Variants in CWH43 observed in about 807,000 individuals in gnomAD.
CWH43 encodes PGAP2-interacting protein.
In CWH43, 91 loss-of-function variants were observed where a neutral mutation model predicts 85.7. That is an observed-to-expected ratio of 1.06 (90% CI 0.90 to 1.26). The LOEUF (loss-of-function observed/expected upper bound fraction) is 1.26, where lower values mean the gene tolerates loss of function less well. CWH43 is among the 50% of genes most tolerant of loss of function. CWH43 has a pLI of 0.00. For synonymous variants in CWH43, 323 were observed against 293.6 expected (o/e 1.10, Z -1.02); for missense variants, 869 against 839.2 (o/e 1.04, Z -0.44).
chr4:48,998,591 T>C (rs1486099432), intron 6 of CWH43, 43 bp downstream of exon 6: 2 of 1,418,124 alleles, frequency 1.4e-6, no homozygotes, highest in Admixed American at 3.4e-5. Context: ...CTGAGCTTGG[T>C]TATCCAGTTT....
Position 49,050,805 on chromosome 4 carries a change from C to G in CWH43, c.1977C>G (p.Val659=). The G allele has an allele frequency of 6.2e-7, 1 of 1,612,884 alleles. No homozygotes were observed. ...PTNYRDNQKV[V]IDHREVSEKI... ...ATTATAGAGACAACCAGAAAGTGGTCATAGACCACAGAGAAGTTTCTGAGA... is the reference window on the plus strand; with the variant it reads ...ATTATAGAGACAACCAGAAAGTGGTGATAGACCACAGAGAAGTTTCTGAGA... Residue 659 remains valine, a synonymous_variant, in exon 15 of 16, where the codon GTC becomes GTG. Coordinates refer to ENST00000226432, the MANE Select transcript of CWH43 (RefSeq NM_025087.3).
At position 49,038,102 on chromosome 4, in the gene CWH43, A is replaced by G. The variant is rs376054025; in HGVS notation, c.1725A>G (p.Gln575=). 1 of 1,613,220 alleles carries G rather than the reference A, an allele frequency of 6.2e-7. No homozygotes were observed. Among genetic ancestry groups the G allele is most frequent in the Non-Finnish European group, 8.5e-7 (1 of 1,179,492 alleles). ...VSKLLKSSSN[Q]VIFLGYITSA... is the part of the protein sequence containing the mutation. ...AACTACTGAAAAGTAGCTCTAATCA[A>G]GTGATATTTCTGGGATATATCACTT... Residue 575 remains glutamine, a synonymous_variant, in exon 13 of 16, where the codon CAA becomes CAG. Transcript: ENST00000226432.
intron 9 of CWH43, among the ~76,000 whole-genome samples, chr4:49,021,618 GAATTT>G (rs1246889618): frequency 2.0e-5 from 3 of 152,038 alleles, no homozygotes; most frequent in Admixed American, 6.6e-5. Flanking sequence ...GAATTGCATT[GAATTT>G]GTAGATTGCT....
chr4:49,017,433 G>A (rs191033593), intron 9 of CWH43, 105 bp downstream of exon 9: 2 of 727,362 alleles, frequency 2.7e-6, no homozygotes, highest in South Asian at 2.1e-5. Flanking sequence ...TGACTTCAGA[G>A]CCCTGGGCCC....
At chr4:49,019,816 G>A (rs375911128) in intron 9 of CWH43, among the ~76,000 whole-genome samples, 8 of 152,154 alleles carry the variant, frequency 5.3e-5, no homozygotes, top group South Asian at 2.1e-4. Flanking sequence ...CTGACCTCAA[G>A]TTATCTGCCT....
intron 13 of CWH43, 46 bp downstream of exon 13, chr4:49,038,226 T>C: frequency 6.9e-7 from 1 of 1,440,456 alleles, no homozygotes; most frequent in East Asian, 2.4e-5. Flanking sequence ...GTAAAACATT[T>C]CTTTTTCTTT....
intron 9 of CWH43, among the ~76,000 whole-genome samples, chr4:49,021,340 T>C (rs1370501018): frequency 6.6e-6 from 1 of 152,202 alleles, no homozygotes; most frequent in African/African-American, 2.4e-5. Context: ...TTTTGTTTGC[T>C]ATGTCAAAGA....
chr4:48,999,260 C>A (rs954563057), intron 6 of CWH43, among the ~76,000 whole-genome samples: 3 of 152,160 alleles, frequency 2.0e-5, no homozygotes, highest in African/African-American at 7.2e-5. Flanking sequence ...TGATCTCATT[C>A]TTTTTTATGG....
rs1051562310 is a variant in CWH43 at position 49,028,635 on chromosome 4, A to G, written c.1273A>G (p.Thr425Ala). The change falls in exon 10 of 16, where the codon ACC becomes GCC. Residue 425 changes from threonine to alanine, a missense_variant. Transcript: ENST00000226432. ...YERKLGKVAP[T>A]KEVSAAIWPF... ...CATTAAAACAATTCCTCAGGCACCAACCAAAGAGGTCTCTGCTGCCATCTG... is the reference window on the plus strand; with the variant it reads ...CATTAAAACAATTCCTCAGGCACCAGCCAAAGAGGTCTCTGCTGCCATCTG... The G allele has an allele frequency of 1.9e-6, 3 of 1,612,622 alleles. No individual in the cohort carries two copies. The highest frequency in any genetic ancestry group is 2.2e-5 in the East Asian group (1 of 44,832).
chr4:49,047,294 G>C (rs533859497), intron 14 of CWH43, among the ~76,000 whole-genome samples: 2 of 152,128 alleles, frequency 1.3e-5, no homozygotes, highest in African/African-American at 2.4e-5. Flanking sequence ...AACAAGTATC[G>C]ATCTAGCAGA....
At chr4:49,042,165 G>A (rs1295258586) in intron 13 of CWH43, among the ~76,000 whole-genome samples, 1 of 152,128 alleles carries the variant, frequency 6.6e-6, no homozygotes. Context: ...GCTCAACTAG[G>A]GACTGGAGGA....
At chr4:49,043,028 CCT>C (rs1553917429) in intron 13 of CWH43, among the ~76,000 whole-genome samples, 1 of 152,074 alleles carries the variant, frequency 6.6e-6, no homozygotes, top group Non-Finnish European at 1.5e-5. Context: ...TGGTGCTGGA[CCT>C]CTCTCTCTTC....
intron 12 of CWH43, among the ~76,000 whole-genome samples, chr4:49,035,144 T>G (rs184708441): frequency 2.6e-4 from 39 of 152,326 alleles, no homozygotes; most frequent in African/African-American, 7.7e-4. Context: ...TTTATTTGTC[T>G]TTGTTTTCTA....
intron 8 of CWH43, among the ~76,000 whole-genome samples, chr4:49,010,669 C>T (rs1783328115): frequency 2.0e-5 from 3 of 152,116 alleles, no homozygotes; most frequent in African/African-American, 7.2e-5. Flanking sequence ...GATTCTTGTA[C>T]ATTGTGTCTT....
intron 9 of CWH43, among the ~76,000 whole-genome samples, chr4:49,021,279 C>T (rs1200675460): frequency 6.6e-6 from 1 of 152,144 alleles, no homozygotes; most frequent in Non-Finnish European, 1.5e-5. Context: ...TGTGGCTTGT[C>T]AATTATCTTA....
At chr4:49,058,245 T>A (rs1423816058) in intron 15 of CWH43, among the ~76,000 whole-genome samples, 1 of 152,176 alleles carries the variant, frequency 6.6e-6, no homozygotes, top group Non-Finnish European at 1.5e-5. Context: ...CTCTTTATCA[T>A]CTGTGTATCT....
At chr4:49,056,742 TA>T (rs2109849234) in intron 15 of CWH43, among the ~76,000 whole-genome samples, 1 of 152,212 alleles carries the variant, frequency 6.6e-6, no homozygotes, top group South Asian at 2.1e-4. Flanking sequence ...GGTATAAAGT[TA>T]GGTTGTTTGA....
intron 13 of CWH43, among the ~76,000 whole-genome samples, chr4:49,040,148 T>C (rs1220325201): frequency 6.6e-6 from 1 of 152,320 alleles, no homozygotes; most frequent in South Asian, 2.1e-4. Context: ...TCTATCATTG[T>C]TGGACATTTG....
intron 14 of CWH43, among the ~76,000 whole-genome samples, chr4:49,049,751 T>C (rs1377919606): frequency 1.3e-5 from 2 of 152,164 alleles, no homozygotes; most frequent in Non-Finnish European, 2.9e-5. Context: ...GATCCCTCCC[T>C]TCGTTGAATT....
Sources: allele counts gnomAD v4.1 joint callset (sites outside exome capture counted in the v4.1 genomes callset), GRCh38; gene constraint gnomAD v4.1.1; transcripts MANE v1.5; gene names NCBI Gene and HGNC (gene_info 2026-07-23, HGNC 2026-07-21).